ZNF451: variants seen among roughly 807,000 people sequenced by gnomAD.
ZNF451 encodes the protein zinc finger protein 451.
ZNF451 carries 80 observed loss-of-function variants against 107.1 expected under a neutral mutation model. That is an observed-to-expected ratio of 0.75 (90% CI 0.62 to 0.90). The LOEUF (loss-of-function observed/expected upper bound fraction) is 0.90, where lower values mean the gene tolerates loss of function less well. ZNF451 is among the 40% of genes least tolerant of loss of function. ZNF451 has a pLI of 0.00. For missense variants in ZNF451, 1,107 were observed against 1,236.2 expected (o/e 0.90, Z 1.57); for synonymous variants, 362 against 406.5 (o/e 0.89, Z 1.32).
intron 13 of ZNF451, among the ~76,000 whole-genome samples, chr6:57,156,811 G>A (rs1267818212): frequency 6.6e-6 from 1 of 152,140 alleles, no homozygotes; most frequent in Non-Finnish European, 1.5e-5. Context: ...TCCATGGATT[G>A]GGGGCAGGAG....
chr6:57,108,098 C>T lies in ZNF451; in HGVS notation c.186+8957C>T, dbSNP rs551384807. 4.1e-6 allele frequency: 4 copies of T among 967,750 alleles called. No homozygotes were observed. The African/African-American group carries it at 7.0e-5, about 17-fold the overall frequency. 59.9% of individuals were successfully genotyped at this position (967,750 alleles called of 1,614,324 possible). A position where few individuals can be genotyped will look rare whatever the true frequency, so the allele number is the denominator to read the frequency against. On this transcript the variant is annotated intron_variant, in intron 3 of 14. Coordinates refer to ENST00000370706, the MANE Select transcript of ZNF451 (RefSeq NM_001031623.3). ...TTGTGATCCACCTACCTTGGCCTCC[C>T]AAAGTGCTGGGATTACAGGCGTGAG...
At chr6:57,091,583 A>G (rs1593066006) in intron 2 of ZNF451, 1 of 153,096 alleles carries the variant, frequency 6.5e-6, no homozygotes, top group African/African-American at 2.4e-5. Flanking sequence ...CACTTTGTAC[A>G]GCATGGGTTT....
At chr6:57,161,013 TTATTGAAAATAA>T in intron 13 of ZNF451, 59 bp from the exon 14 acceptor site, 2 of 942,970 alleles carry the variant, frequency 2.1e-6, no homozygotes, top group Non-Finnish European at 1.6e-6. Context: ...GTATGAGCAG[TTATTGAAAATAA>T]TATTGAGAAT....
chr6:57,142,074 T>C lies in ZNF451; in HGVS notation c.983T>C (p.Met328Thr). 1.2e-6 allele frequency: 2 copies of C among 1,613,152 alleles called. No individual in the cohort carries two copies. Among genetic ancestry groups the C allele is most frequent in the Non-Finnish European group, 1.7e-6 (2 of 1,179,218 alleles). The change falls in exon 9 of 15, where the codon ATG becomes ACG. Residue 328 changes from methionine to threonine, a missense_variant. Transcript: ENST00000370706. ...VACHKTLRSH[M>T]ELTAHFRVHC... Reference sequence around the variant, plus strand: ...TGCCACAAGACACTGCGTTCCCACATGGAGCTCACTGCCCATTTCAGGTTT... The same window carrying C: ...TGCCACAAGACACTGCGTTCCCACACGGAGCTCACTGCCCATTTCAGGTTT...
chr6:57,138,862 C>T (rs1438858489), intron 7 of ZNF451, among the ~76,000 whole-genome samples: 1 of 147,328 alleles, frequency 6.8e-6, no homozygotes, highest in Non-Finnish European at 1.5e-5. Context: ...ACCTCAGCCT[C>T]CTTAAGTGCT....
chr6:57,161,686 T>G (rs1409776165), intron 14 of ZNF451, among the ~76,000 whole-genome samples: 2 of 151,406 alleles, frequency 1.3e-5, no homozygotes, highest in Non-Finnish European at 2.9e-5. Context: ...TTTAAAAGGG[T>G]TTTTTTTGTT....
chr6:57,154,014 G>A lies in ZNF451; in HGVS notation c.3037G>A (p.Ala1013Thr), dbSNP rs1763273759. 2.5e-6 allele frequency: 4 copies of A among 1,614,056 alleles called. No individual in the cohort carries two copies. The highest frequency in any genetic ancestry group is 3.4e-6 in the Non-Finnish European group (4 of 1,180,024). Residue 1013 changes from alanine (A) to threonine (T), a missense_variant, in exon 13 of 15, where the codon GCC becomes ACC. By Grantham distance (58) the Ala-to-Thr change is moderately conservative. Coordinates refer to ENST00000370706, the MANE Select transcript of ZNF451 (RefSeq NM_001031623.3). ...PHHLEGDMMC[A>T]LLNSISDTTK... ...CCACTTAGAGGGAGATATGATGTGT[G>A]CCTTGTTAAATAGCATATCTGATAC...
intron 3 of ZNF451, among the ~76,000 whole-genome samples, chr6:57,121,679 G>A (rs1203200930): frequency 6.6e-6 from 1 of 152,164 alleles, no homozygotes. Flanking sequence ...TAACCAAGGT[G>A]TGAAAGATCT....
At chr6:57,158,714 G>T (rs1344577064) in intron 13 of ZNF451, 26 of 985,290 alleles carry the variant, frequency 2.6e-5, no homozygotes, top group Non-Finnish European at 3.1e-5. Context: ...GCCAGTATCT[G>T]CTCCCTTGAG....
At chr6:57,128,311 T>G (rs1831025347) in intron 4 of ZNF451, among the ~76,000 whole-genome samples, 1 of 152,132 alleles carries the variant, frequency 6.6e-6, no homozygotes, top group Admixed American at 6.6e-5. Flanking sequence ...TTTTCAGGCT[T>G]TTTTTTCCTC....
chr6:57,102,640 C>T, intron 3 of ZNF451: 1 of 985,834 alleles, frequency 1.0e-6, no homozygotes, highest in Non-Finnish European at 1.2e-6. Flanking sequence ...AGAGTCCGTA[C>T]TACTATCAAG....
intron 14 of ZNF451, among the ~76,000 whole-genome samples, chr6:57,167,796 C>T (rs1247693539): frequency 6.6e-6 from 1 of 152,184 alleles, no homozygotes; most frequent in African/African-American, 2.4e-5. Flanking sequence ...CCAATAACGT[C>T]TGTCTTGTTC....
rs531067498 is a variant in ZNF451 at position 57,092,802 on chromosome 6, G to T, written c.105+1908G>T. The T allele has an allele frequency of 1.3e-3, 199 of 152,242 alleles. 2 individuals are homozygous for T. The highest frequency in any genetic ancestry group is 0.013 in the Admixed American group (199 of 15,294). The allele number at this position is 152,242 out of a possible 1,614,324, so 9.4% of individuals were successfully genotyped here. On this transcript the variant is annotated intron_variant, in intron 2 of 14. Transcript: ENST00000370706. ...ACTTTTAGTCCACTTGGTGGCCCAGGAGTTATTCTGTGATTTGTAGAATAC... is the reference window on the plus strand; with the variant it reads ...ACTTTTAGTCCACTTGGTGGCCCAGTAGTTATTCTGTGATTTGTAGAATAC...
intron 7 of ZNF451, among the ~76,000 whole-genome samples, chr6:57,140,673 A>T (rs1219943122): frequency 6.6e-6 from 1 of 152,130 alleles, no homozygotes; most frequent in Non-Finnish European, 1.5e-5. Context: ...AAAACTTAAA[A>T]AAAGAAAAAA....
intron 3 of ZNF451, chr6:57,106,468 T>G: frequency 1.8e-6 from 1 of 552,592 alleles, no homozygotes; most frequent in Non-Finnish European, 2.3e-6. Context: ...CACCATGACC[T>G]GCTAATTTTG....
In ZNF451 at chr6:57,134,823, A is replaced by T; in HGVS notation, c.655A>T (p.Lys219Ter). 1 of 1,611,572 alleles carries T rather than the reference A, an allele frequency of 6.2e-7. No homozygotes were observed. The highest frequency in any genetic ancestry group is 8.5e-7 in the Non-Finnish European group (1 of 1,178,650). ...CTCCTTTGCTTGTGTAGTATGTTAT[A>T]AAAAATTTGTTACTCAACAACAATA... ...FSSFACVVCY[K>*]KFVTQQQYRD... The change falls in exon 7 of 15, where the codon AAA becomes TAA. Residue 219 changes from lysine to a stop codon, truncating the protein, a stop_gained. Transcript: ENST00000370706. LOFTEE classifies it high-confidence loss of function.
At chr6:57,163,167 G>A (rs978376522) in intron 14 of ZNF451, among the ~76,000 whole-genome samples, 8 of 152,098 alleles carry the variant, frequency 5.3e-5, no homozygotes, top group Middle Eastern at 6.8e-3. Context: ...TTATCTCTTA[G>A]GTTGAACCAT....
intron 9 of ZNF451, among the ~76,000 whole-genome samples, chr6:57,145,163 A>AT (rs984547129): frequency 1.5e-4 from 23 of 151,962 alleles, no homozygotes; most frequent in African/African-American, 5.3e-4. Context: ...CAGTTGTTCT[A>AT]TTTTTTTATT....
In ZNF451 at chr6:57,128,788, T is replaced by C; in HGVS notation, c.372T>C (p.His124=). The C allele has an allele frequency of 6.2e-7, 1 of 1,613,254 alleles. No individual in the cohort carries two copies. The highest frequency in any genetic ancestry group is 8.5e-7 in the Non-Finnish European group (1 of 1,179,534). ...AAGAATTGGAATTTATTCGAGGACA[T>C]TCTGATACAGAAGCAGCAAGACTGT... The part of the protein sequence containing the change: ...GLQELEFIRG[H]SDTEAARLCV... The change falls in exon 5 of 15, where the codon CAT becomes CAC. Residue 124 remains histidine (H), a synonymous_variant. Coordinates refer to ENST00000370706, the MANE Select transcript of ZNF451 (RefSeq NM_001031623.3).
Sources: allele counts gnomAD v4.1 joint callset (sites outside exome capture counted in the v4.1 genomes callset), GRCh38; gene constraint gnomAD v4.1.1; transcripts MANE v1.5; gene names NCBI Gene and HGNC (gene_info 2026-07-23, HGNC 2026-07-21).